Variants in CSMD1 observed in about 807,000 individuals in gnomAD.
CSMD1 encodes the protein CUB and sushi domain-containing protein 1.
A neutral mutation model predicts 417.5 loss-of-function variants in CSMD1; 213 were observed. The observed-to-expected ratio is 0.51, with a 90% CI of 0.46 to 0.57. The LOEUF (loss-of-function observed/expected upper bound fraction) is 0.57. CSMD1 is among the 20% of genes least tolerant of loss of function. CSMD1 has a pLI of 0.00. For missense variants in CSMD1, 6,923 were observed against 4,529.7 expected, an observed-to-expected ratio of 1.53 and a Z score of -15.17; for synonymous variants, 2,862 against 1,736.8, an observed-to-expected ratio of 1.65 and a Z score of -16.11.
intron 6 of CSMD1, 105 bp from the exon 7 acceptor site, chr8:3,708,596 C>G (rs959812023): frequency 3.5e-6 from 3 of 856,450 alleles, no homozygotes; most frequent in Admixed American, 2.0e-5. Flanking sequence ...TATCAACCCC[C>G]GAAAATGGGA....
chr8:3,260,123 C>G (rs1480396137), intron 26 of CSMD1, among the ~76,000 whole-genome samples: 1 of 152,174 alleles, frequency 6.6e-6, no homozygotes, highest in Non-Finnish European at 1.5e-5. Context: ...TGGCATTTCC[C>G]TTACCTTGCT....
chr8:4,725,135 T>A (rs1403452950), intron 1 of CSMD1, among the ~76,000 whole-genome samples: 1 of 152,282 alleles, frequency 6.6e-6, no homozygotes, highest in Non-Finnish European at 1.5e-5. Context: ...GTTTTACACA[T>A]TATAAAAGTG....
intron 3 of CSMD1, among the ~76,000 whole-genome samples, chr8:4,061,608 G>A (rs2980785): frequency 0.94 from 143,486 of 152,290 alleles, 67,690 homozygotes; most frequent in East Asian, 0.99. Flanking sequence ...CAGACACTAG[G>A]ACCTGTTTAC....
intron 5 of CSMD1, among the ~76,000 whole-genome samples, chr8:3,889,392 A>G (rs533882286): frequency 2.2e-4 from 31 of 144,114 alleles, no homozygotes; most frequent in African/African-American, 7.3e-4. Context: ...AATATTTTTT[A>G]CTAACATTAA....
intron 1 of CSMD1, among the ~76,000 whole-genome samples, chr8:4,965,227 A>G (rs1431192084): frequency 1.3e-5 from 2 of 152,210 alleles, no homozygotes; most frequent in African/African-American, 2.4e-5. Flanking sequence ...ATTTTAACAC[A>G]TTTCAGATTT....
chr8:4,382,302 A>C (rs1481244982), intron 3 of CSMD1, among the ~76,000 whole-genome samples: 2 of 152,202 alleles, frequency 1.3e-5, no homozygotes, highest in Non-Finnish European at 2.9e-5. Context: ...TATCCAGAAA[A>C]AAGAGAGGAG....
In CSMD1 at chr8:4,003,122, G is replaced by T. The variant is rs186567911; in HGVS notation, c.611-5012C>A. Among the ~76,000 whole-genome samples, 10 of 152,116 alleles carry T rather than the reference G, an allele frequency of 6.6e-5. 1 individual carries two copies. Among genetic ancestry groups the T allele is most frequent in the Admixed American group, 4.6e-4 (7 of 15,264 alleles). Reference sequence around the variant, plus strand: ...AAGAAACAAGATACAGGCTTGGCGCGGTGGCTGATGCCTGTAGTCCCAACA... The same window carrying T: ...AAGAAACAAGATACAGGCTTGGCGCTGTGGCTGATGCCTGTAGTCCCAACA... On this transcript the variant is annotated intron_variant, in intron 4 of 69. Transcript: ENST00000635120.
At chr8:3,806,461 C>A (rs547069925) in intron 5 of CSMD1, among the ~76,000 whole-genome samples, 25 of 152,304 alleles carry the variant, frequency 1.6e-4, no homozygotes, top group African/African-American at 5.8e-4. Context: ...CAATTTGAAG[C>A]TATCAGCTTC....
At chr8:3,394,733 A>C (rs1811581670) in intron 17 of CSMD1, among the ~76,000 whole-genome samples, 1 of 152,190 alleles carries the variant, frequency 6.6e-6, no homozygotes, top group African/African-American at 2.4e-5. Flanking sequence ...TTCAAAGAGA[A>C]GTGACAACTC....
chr8:4,413,557 T>A (rs527267024), intron 3 of CSMD1, among the ~76,000 whole-genome samples: 1 of 152,290 alleles, frequency 6.6e-6, no homozygotes, highest in East Asian at 1.9e-4. Flanking sequence ...CTAATTCTTT[T>A]AAAAAATTAT....
At chr8:3,460,078 G>C (rs969356326) in intron 12 of CSMD1, among the ~76,000 whole-genome samples, 4 of 152,166 alleles carry the variant, frequency 2.6e-5, no homozygotes, top group Non-Finnish European at 5.9e-5. Flanking sequence ...CAGAGCTTCT[G>C]TCTCCTGGGA....
At chr8:3,089,737 T>C (rs1278905833) in intron 48 of CSMD1, among the ~76,000 whole-genome samples, 1 of 121,226 alleles carries the variant, frequency 8.2e-6, no homozygotes, top group African/African-American at 3.2e-5. Context: ...CACGTGTCTA[T>C]CTATCTGCCT....
intron 5 of CSMD1, among the ~76,000 whole-genome samples, chr8:3,785,704 T>C (rs1249063655): frequency 1.3e-5 from 2 of 152,244 alleles, no homozygotes; most frequent in East Asian, 1.9e-4. Context: ...AGGAGCCACG[T>C]GCTACCAAGA....
intron 7 of CSMD1, among the ~76,000 whole-genome samples, chr8:3,659,497 G>A (rs1433520538): frequency 1.3e-5 from 2 of 152,102 alleles, no homozygotes; most frequent in Admixed American, 6.5e-5. Flanking sequence ...ACTTAGCCAA[G>A]GTCAAACTGT....
At chr8:3,443,972 A>G (rs1185373524) in intron 12 of CSMD1, among the ~76,000 whole-genome samples, 1 of 152,186 alleles carries the variant, frequency 6.6e-6, no homozygotes. Flanking sequence ...CTGGGTGAGG[A>G]AAGGACTACA....
intron 42 of CSMD1, among the ~76,000 whole-genome samples, chr8:3,113,532 G>A (rs760301726): frequency 4.6e-5 from 7 of 152,304 alleles, no homozygotes; most frequent in Non-Finnish European, 8.8e-5. Context: ...AAGTGATGGC[G>A]GTGATGTCTA....
intron 3 of CSMD1, among the ~76,000 whole-genome samples, chr8:4,319,691 A>G (rs1374297034): frequency 6.6e-6 from 1 of 152,140 alleles, no homozygotes; most frequent in Non-Finnish European, 1.5e-5. Flanking sequence ...AAGCAATCCA[A>G]GCAGAATTTG....
intron 23 of CSMD1, among the ~76,000 whole-genome samples, chr8:3,315,930 T>A (rs1342279687): frequency 6.6e-6 from 1 of 152,254 alleles, no homozygotes; most frequent in Admixed American, 6.5e-5. Context: ...GGTTGTACTT[T>A]GATCTTGTGC....
In CSMD1 at chr8:3,409,590, C is replaced by A. The variant is rs756422641; in HGVS notation, c.1577G>T (p.Gly526Val). 1.3e-6 allele frequency: 2 copies of A among 1,589,760 alleles called. No individual in the cohort carries two copies. Among genetic ancestry groups the A allele is most frequent in the Admixed American group, 1.8e-5 (1 of 56,898 alleles). ...KAVYQEIEKG[G>V]CGDPGIPAYG... Reference sequence around the variant, plus strand: ...GGCGGGGATTCCAGGATCCCCACACCCTCCCTTTTCAATTTCTGAAAATGG... The same window carrying A: ...GGCGGGGATTCCAGGATCCCCACACACTCCCTTTTCAATTTCTGAAAATGG... The change falls in exon 13 of 70, where the codon GGG (glycine) becomes GTG (valine). Residue 526 changes from glycine to valine, a missense_variant. Coordinates refer to ENST00000635120, the MANE Select transcript of CSMD1 (RefSeq NM_033225.6).
Sources: allele counts gnomAD v4.1 joint callset (sites outside exome capture counted in the v4.1 genomes callset), GRCh38; gene constraint gnomAD v4.1.1; transcripts MANE v1.5; gene names NCBI Gene and HGNC (gene_info 2026-07-23, HGNC 2026-07-21).